Variants in TAFA5 observed in about 807,000 individuals in gnomAD.
The protein encoded by TAFA5 is TAFA chemokine like family member 5.
In TAFA5, 6 loss-of-function variants were observed where a neutral mutation model predicts 15.3. The ratio of observed to expected loss-of-function variants is 0.39; its 90% confidence interval spans 0.21 to 0.77. The LOEUF (loss-of-function observed/expected upper bound fraction) is 0.77, where lower values mean the gene tolerates loss of function less well. TAFA5 is among the 30% of genes least tolerant of loss of function. The pLI is 0.41. For missense variants in TAFA5, 161 were observed against 193.1 expected (o/e 0.83, Z 0.98); for synonymous variants, 103 against 80.7 (o/e 1.28, Z -1.48).
chr22:48,582,690 A>G (rs1188782038), intron 1 of TAFA5, among the ~76,000 whole-genome samples: 1 of 150,320 alleles, frequency 6.7e-6, no homozygotes, highest in Non-Finnish European at 1.5e-5. Flanking sequence ...GAAATACACC[A>G]CACACCACAC....
intron 1 of TAFA5, among the ~76,000 whole-genome samples, chr22:48,492,210 G>T (rs911639780): frequency 9.1e-4 from 137 of 151,068 alleles, no homozygotes; most frequent in Non-Finnish European, 9.0e-4. Flanking sequence ...TCTTCCAATA[G>T]ATCTGGGATG....
chr22:48,733,439 G>T (rs1236600814), intron 3 of TAFA5, among the ~76,000 whole-genome samples: 1 of 152,220 alleles, frequency 6.6e-6, no homozygotes, highest in African/African-American at 2.4e-5. Flanking sequence ...CAGGCAAGTT[G>T]CCCTATGTCT....
At chr22:48,519,503 G>A (rs1407677274) in intron 1 of TAFA5, among the ~76,000 whole-genome samples, 1 of 152,170 alleles carries the variant, frequency 6.6e-6, no homozygotes, top group Non-Finnish European at 1.5e-5. Context: ...GGCAGCACAC[G>A]TGTCCTTTTA....
At chr22:48,704,390 G>A (rs1929014266) in intron 2 of TAFA5, among the ~76,000 whole-genome samples, 1 of 152,152 alleles carries the variant, frequency 6.6e-6, no homozygotes, top group African/African-American at 2.4e-5. Flanking sequence ...CGATGCATCA[G>A]GGATGGGAGA....
chr22:48,663,499 T>C (rs5771917), intron 2 of TAFA5, among the ~76,000 whole-genome samples: 5 of 152,026 alleles, frequency 3.3e-5, no homozygotes, highest in African/African-American at 1.2e-4. Context: ...CAGCTGACTC[T>C]GTCTCTATCA....
intron 2 of TAFA5, among the ~76,000 whole-genome samples, chr22:48,702,279 G>A (rs2147247092): frequency 6.6e-6 from 1 of 152,256 alleles, no homozygotes; most frequent in East Asian, 1.9e-4. Context: ...TGGCACCTTA[G>A]AGAAGTGTTT....
intron 1 of TAFA5, among the ~76,000 whole-genome samples, chr22:48,591,323 C>A (rs1211131261): frequency 7.2e-5 from 11 of 152,200 alleles, no homozygotes; most frequent in Admixed American, 7.2e-4. Flanking sequence ...CGTGGTTGCC[C>A]TTGGGTGGAA....
chr22:48,704,291 G>A lies in TAFA5; in HGVS notation c.263-3426G>A, dbSNP rs189240792. Among the ~76,000 whole-genome samples, 608 of 152,264 alleles carry A rather than the reference G, an allele frequency of 4.0e-3. 1 individual carries two copies. The highest frequency in any genetic ancestry group is 6.8e-3 in the Middle Eastern group (2 of 294). ...AAGGGGATTTCTGCTACTGGGGCAT[G>A]TGTGTTTCATCCTGTAGCTTCCTCG... On this transcript the variant is annotated intron_variant, in intron 2 of 3. Coordinates refer to ENST00000402357, the MANE Select transcript of TAFA5 (RefSeq NM_001082967.3).
At chr22:48,495,163 G>C (rs1928283086) in intron 1 of TAFA5, among the ~76,000 whole-genome samples, 1 of 152,262 alleles carries the variant, frequency 6.6e-6, no homozygotes, top group Non-Finnish European at 1.5e-5. Context: ...GAGGGGCCTG[G>C]CTCTGCGGGT....
chr22:48,546,811 T>C (rs1197530086), intron 1 of TAFA5: 1 of 340,660 alleles, frequency 2.9e-6, no homozygotes, highest in East Asian at 7.8e-5. Flanking sequence ...AGTCACCGGC[T>C]CTGGTCACTT....
At chr22:48,661,289 G>T (rs1317552768) in intron 2 of TAFA5, among the ~76,000 whole-genome samples, 3 of 152,132 alleles carry the variant, frequency 2.0e-5, no homozygotes, top group African/African-American at 7.2e-5. Context: ...GCCGCCTCGG[G>T]CACGTCTTGC....
chr22:48,493,351 G>A (rs1013396918), intron 1 of TAFA5, among the ~76,000 whole-genome samples: 1 of 152,204 alleles, frequency 6.6e-6, no homozygotes, highest in Non-Finnish European at 1.5e-5. Flanking sequence ...TAAATCTCAT[G>A]TCCTCATCTA....
intron 1 of TAFA5, among the ~76,000 whole-genome samples, chr22:48,581,078 T>TGA: frequency 6.6e-6 from 1 of 152,350 alleles, no homozygotes; most frequent in Non-Finnish European, 1.5e-5. Context: ...ACCAACTCTT[T>TGA]TATCATCATT....
chr22:48,614,287 G>C (rs1250133643), intron 1 of TAFA5, among the ~76,000 whole-genome samples: 1 of 152,184 alleles, frequency 6.6e-6, no homozygotes, highest in Non-Finnish European at 1.5e-5. Context: ...ACACCCATCT[G>C]CCCCCCACAA....
intron 1 of TAFA5, among the ~76,000 whole-genome samples, chr22:48,549,702 C>T (rs569730622): frequency 4.6e-5 from 7 of 152,330 alleles, no homozygotes; most frequent in African/African-American, 1.4e-4. Flanking sequence ...CTTTGGGCTT[C>T]AGGACCAGGC....
chr22:48,690,861 T>C (rs1424313381), intron 2 of TAFA5, among the ~76,000 whole-genome samples: 3 of 151,968 alleles, frequency 2.0e-5, no homozygotes, highest in Admixed American at 1.3e-4. Flanking sequence ...CCGCCCCCTG[T>C]CTTCTATGAT....
chr22:48,702,090 G>T (rs1189430707), intron 2 of TAFA5, among the ~76,000 whole-genome samples: 1 of 151,724 alleles, frequency 6.6e-6, no homozygotes, highest in African/African-American at 2.4e-5. Flanking sequence ...CGCATGTGTG[G>T]TTAGTCTGCA....
At chr22:48,597,707 A>T (rs1309652970) in intron 1 of TAFA5, among the ~76,000 whole-genome samples, 1 of 152,210 alleles carries the variant, frequency 6.6e-6, no homozygotes, top group Non-Finnish European at 1.5e-5. Context: ...GTCTGACTTC[A>T]TCATGCCCTT....
chr22:48,707,575 C>G, intron 2 of TAFA5, 142 bp from the exon 3 acceptor site: 1 of 943,448 alleles, frequency 1.1e-6, no homozygotes. Flanking sequence ...CCCAGTGTCC[C>G]TGTGTGAGGG....
Sources: allele counts gnomAD v4.1 joint callset (sites outside exome capture counted in the v4.1 genomes callset), GRCh38; gene constraint gnomAD v4.1.1; transcripts MANE v1.5; gene names NCBI Gene and HGNC (gene_info 2026-07-23, HGNC 2026-07-21).